The following CNGA1 variants were observed in gnomAD, a reference collection of about 807,000 sequenced individuals.
The protein encoded by CNGA1 is cyclic nucleotide-gated channel alpha-1.
Under a neutral mutation model 69.7 loss-of-function variants are expected in CNGA1, and 53 were observed. The observed-to-expected ratio is 0.76, with a 90% CI of 0.61 to 0.96. CNGA1 has a LOEUF of 0.96. CNGA1 is among the 40% of genes least tolerant of loss of function. The pLI is 0.00. For synonymous variants in CNGA1, 249 were observed against 283.5 expected (o/e 0.88, Z 1.22); for missense variants, 739 against 811.2 (o/e 0.91, Z 1.08).
At chr4:47,980,063 C>G (rs1220458276) in intron 3 of CNGA1, among the ~76,000 whole-genome samples, 5 of 152,140 alleles carry the variant, frequency 3.3e-5, no homozygotes, top group Non-Finnish European at 2.9e-5. Flanking sequence ...AGGGCGTATT[C>G]TCTAGGGGAC....
rs1174623998 is a variant in CNGA1, at chr4:47,943,175, G to C, written c.437+6C>G. ...CTTCTATTTCAATGCCACTAAAAGT[G>C]CTTACTCTTCTTTCTTATCTTTGCT... On this transcript the variant is annotated splice_donor_region_variant and intron_variant, in intron 8 of 10. Coordinates refer to ENST00000514170, the MANE Select transcript of CNGA1 (RefSeq NM_001379270.1). The C allele has an allele frequency of 1.3e-6, 2 of 1,577,768 alleles. No individual in the cohort carries two copies. The highest frequency in any genetic ancestry group is 3.3e-5 in the Admixed American group (2 of 59,818).
rs1324866429 is a variant in CNGA1 at position 47,936,306 on chromosome 4, C to T, written c.*115G>A. Reference sequence around the variant, plus strand: ...GTACCTTGCACCAAAGCACATTTTCCTCATGGAAAAATTTCCCAACTGAGT... The same window carrying T: ...GTACCTTGCACCAAAGCACATTTTCTTCATGGAAAAATTTCCCAACTGAGT... On this transcript the variant is annotated 3_prime_UTR_variant, in exon 11 of 11. Transcript: ENST00000514170. The T allele has an allele frequency of 5.2e-6, 6 of 1,150,868 alleles. No individual in the cohort carries two copies. Among genetic ancestry groups the T allele is most frequent in the Non-Finnish European group, 7.7e-6 (6 of 781,204 alleles). The allele number at this position is 1,150,868 out of a possible 1,614,324, so 71.3% of individuals were successfully genotyped here.
chr4:47,943,832 A>C (rs945077179), intron 6 of CNGA1, among the ~76,000 whole-genome samples: 3 of 152,230 alleles, frequency 2.0e-5, no homozygotes, highest in African/African-American at 7.2e-5. Context: ...TTTTCTTTAG[A>C]GGGGATAACC....
At position 47,991,302 on chromosome 4, in the gene CNGA1, G is replaced by T. The variant is rs189050890; in HGVS notation, c.-122-9802C>A. Among the ~76,000 whole-genome samples, 309 of 152,150 alleles carry T rather than the reference G, an allele frequency of 2.0e-3. 2 individuals carry two copies. Among genetic ancestry groups the T allele is most frequent in the Non-Finnish European group, 3.9e-3 (266 of 68,002 alleles). ...AGTGTAGAAATGTTCCCTCTTCACC[G>T]CATCCATGCAAACATCTACTATTTT... On this transcript the variant is annotated intron_variant, in intron 2 of 10. Coordinates refer to ENST00000514170, the MANE Select transcript of CNGA1 (RefSeq NM_001379270.1).
chr4:47,953,626 C>T (rs1739877794), intron 3 of CNGA1, among the ~76,000 whole-genome samples: 1 of 152,226 alleles, frequency 6.6e-6, no homozygotes, highest in African/African-American at 2.4e-5. Context: ...TTCCTCAGCT[C>T]AGGTAGAGGA....
At chr4:47,946,619 A>C (rs1468727532) in intron 6 of CNGA1, among the ~76,000 whole-genome samples, 1 of 152,256 alleles carries the variant, frequency 6.6e-6, no homozygotes, top group African/African-American at 2.4e-5. Context: ...ATGGGACATA[A>C]AAAGAATGCC....
At chr4:47,997,924 G>A (rs952394776) in intron 2 of CNGA1, among the ~76,000 whole-genome samples, 2 of 152,104 alleles carry the variant, frequency 1.3e-5, no homozygotes, top group African/African-American at 2.4e-5. Flanking sequence ...AGTTGAAAAG[G>A]CATTTAATAC....
intron 2 of CNGA1, among the ~76,000 whole-genome samples, chr4:48,002,826 G>A (rs1254256633): frequency 6.6e-6 from 1 of 152,092 alleles, no homozygotes; most frequent in Non-Finnish European, 1.5e-5. Flanking sequence ...GCTGGCAATG[G>A]TTTATGTCTG....
Position 47,956,962 on chromosome 4 carries a change from C to A in CNGA1, c.-14-4259G>T, listed in dbSNP as rs1412626127. On this transcript the variant is annotated intron_variant, in intron 3 of 10. Transcript: ENST00000514170. The stretch of plus-strand genomic sequence containing the variant: ...TTTTTTATTTATTTTTAGACCGAGT[C>A]TTGCTCTGTCACCCAGGCTGGAGTG... 2.0e-5 allele frequency among the ~76,000 whole-genome samples: 3 copies of A among 152,014 alleles called. No individual in the cohort carries two copies. The East Asian group carries it at 5.8e-4, about 29-fold the overall frequency.
intron 2 of CNGA1, among the ~76,000 whole-genome samples, chr4:47,988,101 G>A (rs942652969): frequency 1.3e-5 from 2 of 152,148 alleles, no homozygotes; most frequent in Admixed American, 6.6e-5. Context: ...TCAGATTCTT[G>A]ATATATTTTT....
chr4:48,011,056 C>T (rs1209139086), intron 1 of CNGA1, among the ~76,000 whole-genome samples, 163 bp from the exon 2 acceptor site: 1 of 152,204 alleles, frequency 6.6e-6, no homozygotes, highest in Non-Finnish European at 1.5e-5. Flanking sequence ...CTGCTGTGCT[C>T]TCAGGCAGCA....
chr4:47,952,807 A>G, intron 3 of CNGA1, 104 bp from the exon 4 acceptor site: 1 of 751,270 alleles, frequency 1.3e-6, no homozygotes, highest in African/African-American at 1.8e-5. Flanking sequence ...TGCTGCTAAT[A>G]AAGACATACC....
intron 2 of CNGA1, among the ~76,000 whole-genome samples, chr4:48,002,404 T>A (rs1215517095): frequency 6.6e-6 from 1 of 152,004 alleles, no homozygotes; most frequent in Non-Finnish European, 1.5e-5. Context: ...ACCACAACAC[T>A]GTAGTAGAGA....
intron 3 of CNGA1, among the ~76,000 whole-genome samples, chr4:47,962,560 T>C (rs1740508492): frequency 6.6e-6 from 1 of 152,176 alleles, no homozygotes; most frequent in African/African-American, 2.4e-5. Context: ...GAAGTAAGTA[T>C]TTCCTCAGGT....
chr4:47,949,935 C>T lies in CNGA1; in HGVS notation c.225-40G>A, dbSNP rs1167201408. ...ACATGCAGTGAAATCACAGTAGTCA[C>T]CATCTGTATAATGTCCATGGTAGGC... On this transcript the variant is annotated intron_variant, in intron 5 of 10. Transcript: ENST00000514170. 2.5e-6 allele frequency: 4 copies of T among 1,577,920 alleles called. No individual in the cohort carries two copies. The African/African-American group carries it at 5.4e-5, about 21-fold the overall frequency.
At position 47,976,157 on chromosome 4, in the gene CNGA1, A is replaced by G. The variant is rs1423279859; in HGVS notation, c.-15+5236T>C. ...AGCATTTACTTTCATATGTATATAT[A>G]TATATATATATATACACATACATAT... On this transcript the variant is annotated intron_variant, in intron 3 of 10. Coordinates refer to ENST00000514170, the MANE Select transcript of CNGA1 (RefSeq NM_001379270.1). Among the ~76,000 whole-genome samples, 29 of 46,332 alleles carry G rather than the reference A, an allele frequency of 6.3e-4. 2 individuals carry two copies. The highest frequency in any genetic ancestry group is 1.4e-3 in the Non-Finnish European group (25 of 18,076). 30.4% of individuals were successfully genotyped at this position (46,332 alleles called of 152,430 possible). A position where few individuals can be genotyped will look rare whatever the true frequency, so the allele number is the denominator to read the frequency against.
rs921304545 is a variant in CNGA1, at chr4:47,936,371, G to C, written c.*50C>G. 6.3e-7 allele frequency: 1 copy of C among 1,582,996 alleles called. No individual in the cohort carries two copies. The highest frequency in any genetic ancestry group is 2.2e-5 in the East Asian group (1 of 44,704). The stretch of plus-strand genomic sequence containing the variant: ...AAATTTTAGTTGATGTCAGTCATAG[G>C]ATCAAAAGGATCATGAGGCATGTCC... On this transcript the variant is annotated 3_prime_UTR_variant, in exon 11 of 11. Transcript: ENST00000514170.
intron 2 of CNGA1, among the ~76,000 whole-genome samples, chr4:47,997,980 C>A (rs544092538): frequency 4.6e-5 from 7 of 152,114 alleles, no homozygotes; most frequent in Non-Finnish European, 1.0e-4. Flanking sequence ...GATGAACCAT[C>A]ATAAGTAAAG....
In CNGA1 at chr4:48,016,595, T is replaced by TACACCAGTTATCACAGGCCGCTCCC; in HGVS notation, c.-360_-336dup. 1 of 526,706 alleles carries TACACCAGTTATCACAGGCCGCTCCC rather than the reference T, an allele frequency of 1.9e-6. No homozygotes were observed. The highest frequency in any genetic ancestry group is 3.3e-6 in the Non-Finnish European group (1 of 302,068). 32.6% of individuals were successfully genotyped at this position (526,706 alleles called of 1,614,324 possible). A position where few individuals can be genotyped will look rare whatever the true frequency, so the allele number is the denominator to read the frequency against. ...AGGGGCAGCTGCTACTCCTGCCAGA[T>TACACCAGTTATCACAGGCCGCTCCC]ACACCAGTTATCACAGGCCGCTCCC... On this transcript the variant is annotated 5_prime_UTR_variant, in exon 1 of 11. Transcript: ENST00000514170.
Sources: allele counts gnomAD v4.1 joint callset (sites outside exome capture counted in the v4.1 genomes callset), GRCh38; gene constraint gnomAD v4.1.1; transcripts MANE v1.5; gene names NCBI Gene and HGNC (gene_info 2026-07-23, HGNC 2026-07-21).